The following RANBP3L variants were observed in gnomAD, a reference collection of about 807,000 sequenced individuals.
RANBP3L encodes RAN binding protein 3 like.
RANBP3L carries 56 observed loss-of-function variants against 67.2 expected under a neutral mutation model. The observed-to-expected ratio is 0.83, with a 90% confidence interval of 0.67 to 1.04. RANBP3L has a LOEUF of 1.04. RANBP3L is among the 50% of genes least tolerant of loss of function. RANBP3L has a pLI of 0.00. For missense variants in RANBP3L, 496 were observed against 535.5 expected (o/e 0.93, Z 0.73); for synonymous variants, 164 against 181.4 (o/e 0.90, Z 0.77).
chr5:36,271,818 T>TA (rs1750237378), intron 1 of RANBP3L, among the ~76,000 whole-genome samples: 1 of 152,198 alleles, frequency 6.6e-6, no homozygotes, highest in African/African-American at 2.4e-5. Context: ...AATATTTAGA[T>TA]AAAAAATTAG....
chr5:36,296,417 CA>C (rs1343695868), intron 1 of RANBP3L, among the ~76,000 whole-genome samples: 1 of 151,824 alleles, frequency 6.6e-6, no homozygotes, highest in Non-Finnish European at 1.5e-5. Flanking sequence ...TGTCAGAAGA[CA>C]AAAAGAAAAT....
intron 7 of RANBP3L, among the ~76,000 whole-genome samples, chr5:36,261,265 A>G (rs1016858751): frequency 6.6e-6 from 1 of 152,136 alleles, no homozygotes; most frequent in African/African-American, 2.4e-5. Context: ...TGTCTGTTAT[A>G]ATTGAGTGTG....
chr5:36,249,258 A>G lies in RANBP3L; in HGVS notation c.*396T>C, dbSNP rs1320720118. The G allele has an allele frequency of 6.5e-6, 1 of 152,912 alleles. No homozygotes were observed. Among genetic ancestry groups the G allele is most frequent in the Non-Finnish European group, 1.5e-5 (1 of 68,504 alleles). 9.5% of individuals were successfully genotyped at this position (152,912 alleles called of 1,614,324 possible). On this transcript the variant is annotated 3_prime_UTR_variant, in exon 14 of 14. Coordinates refer to ENST00000296604, the MANE Select transcript of RANBP3L (RefSeq NM_145000.5). ...AGAGAAATGACTCTGGAAATTTAGT[A>G]AAATATTTGTTTTGTGGTCAAGTAT...
intron 1 of RANBP3L, among the ~76,000 whole-genome samples, chr5:36,295,748 A>C (rs2112155702): frequency 6.6e-6 from 1 of 151,170 alleles, no homozygotes; most frequent in African/African-American, 2.4e-5. Context: ...TCAGCCATTA[A>C]ACTTATTTAT....
At chr5:36,255,634 T>G in intron 10 of RANBP3L, 44 bp from the exon 11 acceptor site, 1 of 1,462,428 alleles carries the variant, frequency 6.8e-7, no homozygotes, top group Non-Finnish European at 9.5e-7. Flanking sequence ...AGAAAATTTT[T>G]TCAAAGTAAA....
At position 36,248,152 on chromosome 5, in the gene RANBP3L, ATC is replaced by A. The variant is rs756946619; in HGVS notation, c.*1500_*1501del. ...CTTTTTGTCCTTTCTTTCGTACTAA[ATC>A]TCTTTTTCCCCTTCTATCTTTTCTT... On this transcript the variant is annotated 3_prime_UTR_variant, in exon 14 of 14. Coordinates refer to ENST00000296604, the MANE Select transcript of RANBP3L (RefSeq NM_145000.5). 7.2e-5 allele frequency among the ~76,000 whole-genome samples: 11 copies of A among 151,990 alleles called. No individual in the cohort carries two copies. Among genetic ancestry groups the A allele is most frequent in the East Asian group, 1.9e-4 (1 of 5,192 alleles).
In RANBP3L at chr5:36,252,959, G is replaced by C. The variant is rs556173578; in HGVS notation, c.1167+688C>G. ...TATTGTCACCTTCTGCCTGAACTTG[G>C]GTAATCAGTCTTCTCCAGTCAGTCC... On this transcript the variant is annotated intron_variant, in intron 12 of 13. Transcript: ENST00000296604. Among the ~76,000 whole-genome samples the C allele has an allele frequency of 2.6e-5, 4 of 152,140 alleles. No individual in the cohort carries two copies. In the South Asian group the frequency reaches 8.3e-4, roughly 32 times the overall value.
chr5:36,282,863 A>G (rs1462738136), intron 1 of RANBP3L, among the ~76,000 whole-genome samples: 1 of 152,054 alleles, frequency 6.6e-6, no homozygotes, highest in Non-Finnish European at 1.5e-5. Flanking sequence ...CAGGCATAGA[A>G]ATGTAGCAGG....
intron 4 of RANBP3L, among the ~76,000 whole-genome samples, chr5:36,265,893 C>G (rs1749737492): frequency 6.7e-6 from 1 of 148,154 alleles, no homozygotes; most frequent in African/African-American, 2.5e-5. Flanking sequence ...AGGAGAATCT[C>G]TTGAACCCAG....
At chr5:36,281,237 G>T (rs1194242582) in intron 1 of RANBP3L, among the ~76,000 whole-genome samples, 1 of 152,138 alleles carries the variant, frequency 6.6e-6, no homozygotes. Flanking sequence ...CTACCTTATA[G>T]AGTTGTAACG....
In RANBP3L at chr5:36,296,597, G is replaced by A. The variant is rs16902937; in HGVS notation, c.91+4729C>T. Among the ~76,000 whole-genome samples, 1,190 of 152,288 alleles carry A rather than the reference G, an allele frequency of 7.8e-3. 16 individuals are homozygous for A. The highest frequency in any genetic ancestry group is 0.027 in the African/African-American group (1,108 of 41,566). On this transcript the variant is annotated intron_variant, in intron 1 of 13. Coordinates refer to ENST00000296604, the MANE Select transcript of RANBP3L (RefSeq NM_145000.5). ...TCTTAATAACTGTGTAACCTTGGAA[G>A]AGTCATCTTGACCTTGAAGATTCAC...
chr5:36,301,334 C>T lies in RANBP3L; in HGVS notation c.83G>A (p.Arg28Gln), dbSNP rs1245217748. ...TCKLKLQEDR[R>Q]QQEKSVIAQP... is the part of the protein sequence containing the mutation. Reference sequence around the variant, plus strand: ...GAGCTGGACGGACTCACCTTGCTGTCGCCGGTCCTCCTGCAGCTTCAGTTT... The same window carrying T: ...GAGCTGGACGGACTCACCTTGCTGTTGCCGGTCCTCCTGCAGCTTCAGTTT... The change falls in exon 1 of 14, where the codon CGA becomes CAA. Residue 28 changes from arginine to glutamine, a missense_variant. By Grantham distance (43) the Arg-to-Gln change is conservative. Coordinates refer to ENST00000296604, the MANE Select transcript of RANBP3L (RefSeq NM_145000.5). The T allele has an allele frequency of 1.7e-5, 28 of 1,612,692 alleles. No homozygotes were observed. Among genetic ancestry groups the T allele is most frequent in the Admixed American group, 6.7e-5 (4 of 59,984 alleles).
At chr5:36,290,824 C>A (rs1158850558) in intron 1 of RANBP3L, among the ~76,000 whole-genome samples, 2 of 145,254 alleles carry the variant, frequency 1.4e-5, no homozygotes, top group African/African-American at 5.1e-5. Flanking sequence ...CTCTGCCTCC[C>A]GGGTTCAAGC....
chr5:36,265,267 C>T (rs937926933), intron 5 of RANBP3L, among the ~76,000 whole-genome samples, 169 bp from the exon 6 acceptor site: 1 of 152,142 alleles, frequency 6.6e-6, no homozygotes, highest in African/African-American at 2.4e-5. Flanking sequence ...TCACACCCTG[C>T]CTAGCTTTTG....
chr5:36,264,544 T>A (rs10223062), intron 6 of RANBP3L, among the ~76,000 whole-genome samples: 130,850 of 152,134 alleles, frequency 0.86, 57,867 homozygotes, highest in Non-Finnish European at 0.97. Flanking sequence ...ATACTGGAAT[T>A]TGGCTCTGAA....
chr5:36,297,040 G>A (rs1022879853), intron 1 of RANBP3L, among the ~76,000 whole-genome samples: 6 of 151,814 alleles, frequency 4.0e-5, no homozygotes, highest in East Asian at 1.9e-4. Flanking sequence ...ATTCTCTCTC[G>A]TTAAAATTTT....
chr5:36,284,183 G>A (rs1284887812), intron 1 of RANBP3L, among the ~76,000 whole-genome samples: 2 of 152,092 alleles, frequency 1.3e-5, no homozygotes, highest in Non-Finnish European at 2.9e-5. Flanking sequence ...ATGTTCTTTT[G>A]AGGTGGCTTT....
intron 1 of RANBP3L, among the ~76,000 whole-genome samples, chr5:36,279,651 C>A (rs1750836578): frequency 6.6e-6 from 1 of 152,078 alleles, no homozygotes; most frequent in East Asian, 1.9e-4. Flanking sequence ...GAAGATGTAA[C>A]CAATTTTGTG....
chr5:36,274,954 T>C (rs531919941), intron 1 of RANBP3L, among the ~76,000 whole-genome samples: 1 of 151,996 alleles, frequency 6.6e-6, no homozygotes, highest in Non-Finnish European at 1.5e-5. Context: ...TGAAAGAAAA[T>C]GAGGGGATTA....
Sources: gnomAD v4.1 joint callset for allele counts (sites outside exome capture counted in the v4.1 genomes callset) on GRCh38, gnomAD v4.1.1 for gene constraint, MANE v1.5 for transcripts, NCBI Gene and HGNC (gene_info 2026-07-23, HGNC 2026-07-21) for gene names.